Variants in CEP128 observed in about 807,000 individuals in gnomAD.
CEP128 encodes centrosomal protein 128kDa.
Under a neutral mutation model 156.7 loss-of-function variants are expected in CEP128, and 132 were observed. The ratio of observed to expected loss-of-function variants is 0.84; its 90% confidence interval spans 0.73 to 0.97. CEP128 has a LOEUF of 0.97. Ranked by LOEUF, CEP128 falls within the 50% of genes least tolerant of loss-of-function variation. The pLI is 0.00. For missense variants in CEP128, 1,252 were observed against 1,281.9 expected (o/e 0.98, Z 0.36); for synonymous variants, 469 against 448.9 (o/e 1.04, Z -0.57).
chr14:80,852,358 G>GA (rs920879903), intron 9 of CEP128, among the ~76,000 whole-genome samples: 1 of 151,162 alleles, frequency 6.6e-6, no homozygotes, highest in African/African-American at 2.4e-5. Context: ...AAAAGATTTT[G>GA]AAAAAAAATT....
chr14:80,859,945 T>C (rs1370055454), intron 9 of CEP128, among the ~76,000 whole-genome samples: 1 of 152,304 alleles, frequency 6.6e-6, no homozygotes, highest in Admixed American at 6.5e-5. Flanking sequence ...AAGTTTTAAA[T>C]GTCATATTTT....
rs33965250 is a variant in CEP128 at position 80,736,257 on chromosome 14, TA to T, written c.2806+6817del. Reference sequence around the variant, plus strand: ...TTAAGGTAGCTCTAATATAAGGTTTTAAAAAAAAAAAAACACAGCAAATATA... The same window carrying T: ...TTAAGGTAGCTCTAATATAAGGTTTTAAAAAAAAAAAACACAGCAAATATA... On this transcript the variant is annotated intron_variant, in intron 19 of 24. Transcript: ENST00000555265. 2.7e-3 allele frequency among the ~76,000 whole-genome samples: 403 copies of T among 147,214 alleles called. 2 individuals carry two copies. Among genetic ancestry groups the T allele is most frequent in the African/African-American group, 7.6e-3 (302 of 39,718 alleles).
At chr14:80,947,496 T>C (rs1886373189) in intron 2 of CEP128, among the ~76,000 whole-genome samples, 1 of 152,156 alleles carries the variant, frequency 6.6e-6, no homozygotes. Context: ...GCTAAGCCCT[T>C]TTGCAAAATT....
downstream of CEP128, among the ~76,000 whole-genome samples, chr14:80,492,892 C>T (rs925526212): frequency 1.3e-4 from 20 of 152,078 alleles, no homozygotes; most frequent in African/African-American, 4.8e-4. Context: ...CCTACTTTCC[C>T]TCAGAATATT....
intron 20 of CEP128, among the ~76,000 whole-genome samples, chr14:80,562,664 T>C (rs934219063): frequency 7.5e-5 from 11 of 146,644 alleles, no homozygotes; most frequent in South Asian, 2.2e-4. Flanking sequence ...TCTTTTTTTT[T>C]TTTTTTTTTT....
rs778911406 is a variant in CEP128 at position 80,694,917 on chromosome 14, TA to T, written c.2806+48157del. Among the ~76,000 whole-genome samples, 625 of 130,864 alleles carry T rather than the reference TA, an allele frequency of 4.8e-3. 1 individual carries two copies. Among genetic ancestry groups the T allele is most frequent in the South Asian group, 0.01 (41 of 4,038 alleles). 85.9% of individuals were successfully genotyped at this position (130,864 alleles called of 152,430 possible). A position where few individuals can be genotyped will look rare whatever the true frequency, so the allele number is the denominator to read the frequency against. On this transcript the variant is annotated intron_variant, in intron 19 of 24. Transcript: ENST00000555265. The stretch of plus-strand genomic sequence containing the variant: ...TGTATCCCAGAACTCAAAGTAAAAT[TA>T]AAAAAAAAAAAAAAACTTGTTTTCC...
downstream of CEP128, among the ~76,000 whole-genome samples, chr14:80,492,077 C>G (rs1226377270): frequency 1.1e-4 from 17 of 151,974 alleles, no homozygotes; most frequent in Admixed American, 1.0e-3. Flanking sequence ...TAGCTGGCTT[C>G]AAGAGCTAAG....
chr14:80,865,530 G>A (rs1350362010), intron 8 of CEP128, among the ~76,000 whole-genome samples: 3 of 152,018 alleles, frequency 2.0e-5, no homozygotes, highest in Admixed American at 2.0e-4. Flanking sequence ...TCTGACATAG[G>A]TCCCAATGAT....
At chr14:80,566,731 T>C (rs185751322) in intron 20 of CEP128, among the ~76,000 whole-genome samples, 1 of 152,342 alleles carries the variant, frequency 6.6e-6, no homozygotes, top group African/African-American at 2.4e-5. Flanking sequence ...AATCATCCTG[T>C]GTTCACTGTA....
At chr14:80,527,053 GAA>G (rs1414195806) in intron 22 of CEP128, 71 bp from the exon 23 acceptor site, 1 of 732,094 alleles carries the variant, frequency 1.4e-6, no homozygotes, top group African/African-American at 1.8e-5. Flanking sequence ...ATTAGAGTAA[GAA>G]AGAGTCTATA....
chr14:80,547,180 A>C (rs1890020619), intron 21 of CEP128, among the ~76,000 whole-genome samples: 1 of 152,194 alleles, frequency 6.6e-6, no homozygotes, highest in Non-Finnish European at 1.5e-5. Context: ...ATTCAAAAGG[A>C]GGAAAACTAG....
chr14:80,560,026 T>C (rs1209623284), intron 20 of CEP128, among the ~76,000 whole-genome samples: 1 of 152,178 alleles, frequency 6.6e-6, no homozygotes, highest in Non-Finnish European at 1.5e-5. Context: ...CTTCACCAAA[T>C]AAAGACTGAC....
intron 19 of CEP128, among the ~76,000 whole-genome samples, chr14:80,716,369 T>C (rs1252056756): frequency 6.6e-6 from 1 of 152,200 alleles, no homozygotes; most frequent in Non-Finnish European, 1.5e-5. Context: ...TCACGTTGAC[T>C]CTCGTAGTCA....
chr14:80,675,644 T>C (rs1896029376), intron 19 of CEP128, among the ~76,000 whole-genome samples: 1 of 152,104 alleles, frequency 6.6e-6, no homozygotes, highest in African/African-American at 2.4e-5. Context: ...ATAATAATCA[T>C]AAGTAGGTTA....
At chr14:80,733,238 T>C (rs1335785272) in intron 19 of CEP128, among the ~76,000 whole-genome samples, 1 of 152,120 alleles carries the variant, frequency 6.6e-6, no homozygotes, top group Non-Finnish European at 1.5e-5. Flanking sequence ...TTGGTTCTTA[T>C]AGCACTGGAC....
Position 80,732,484 on chromosome 14 carries a change from G to C in CEP128, c.2806+10591C>G, listed in dbSNP as rs557730657. ...ACTGATTAAGCAGGTGTGTGTGTGT[G>C]TGTGTGTGTGTGTGTGTGTGTGTGT... On this transcript the variant is annotated intron_variant, in intron 19 of 24. Transcript: ENST00000555265. Among the ~76,000 whole-genome samples, 31 of 141,646 alleles carry C rather than the reference G, an allele frequency of 2.2e-4. No homozygotes were observed. In the Middle Eastern group the frequency reaches 0.014, roughly 63 times the overall value. The allele number at this position is 141,646 out of a possible 152,430, so 92.9% of individuals were successfully genotyped here.
chr14:80,822,903 C>T (rs1322365417), intron 13 of CEP128: 19 of 537,808 alleles, frequency 3.5e-5, no homozygotes, highest in East Asian at 1.1e-4. Flanking sequence ...TTTTTTTAAG[C>T]TATGTTGTTA....
chr14:80,853,613 T>TAAAACATTATTGG (rs1176534888), intron 9 of CEP128, among the ~76,000 whole-genome samples: 1 of 151,938 alleles, frequency 6.6e-6, no homozygotes, highest in Non-Finnish European at 1.5e-5. Flanking sequence ...CAGACAATTA[T>TAAAACATTATTGG]AAAACATTAT....
chr14:80,933,140 C>A (rs895019792), intron 2 of CEP128, among the ~76,000 whole-genome samples: 4 of 152,162 alleles, frequency 2.6e-5, no homozygotes, highest in African/African-American at 9.7e-5. Context: ...AATCCCCCAG[C>A]TTCACCCTAC....
Sources: gnomAD v4.1 joint callset for allele counts (sites outside exome capture counted in the v4.1 genomes callset) on GRCh38, gnomAD v4.1.1 for gene constraint, MANE v1.5 for transcripts, NCBI Gene and HGNC (gene_info 2026-07-23, HGNC 2026-07-21) for gene names.